Variants in CCDC13 observed in about 807,000 individuals in gnomAD.
The protein encoded by CCDC13 is coiled-coil domain containing 13.
In CCDC13, 70 loss-of-function variants were observed where a neutral mutation model predicts 87.3. The ratio of observed to expected loss-of-function variants is 0.80; its 90% CI spans 0.66 to 0.98. The LOEUF (loss-of-function observed/expected upper bound fraction) is 0.98. CCDC13 is among the 50% of genes least tolerant of loss of function. The pLI, the probability that CCDC13 is intolerant of heterozygous loss-of-function variation, is 0.00. For missense variants in CCDC13, 842 were observed against 892.0 expected, an observed-to-expected ratio of 0.94 and a Z score of 0.71; for synonymous variants, 317 against 360.3, an observed-to-expected ratio of 0.88 and a Z score of 1.36.
chr3:42,769,986 A>G (rs1233977685), intron 1 of CCDC13, among the ~76,000 whole-genome samples: 1 of 152,138 alleles, frequency 6.6e-6, no homozygotes, highest in African/African-American at 2.4e-5. Flanking sequence ...CAGCCTCCCC[A>G]ACGAGCGCCA....
intron 1 of CCDC13, chr3:42,770,815 ACT>A (rs1700062337): frequency 6.5e-6 from 1 of 153,020 alleles, no homozygotes. Flanking sequence ...GAGCTGTAAC[ACT>A]CACCGCGAAG....
intron 8 of CCDC13, among the ~76,000 whole-genome samples, chr3:42,740,677 G>A (rs1386180679): frequency 6.6e-6 from 1 of 152,184 alleles, no homozygotes; most frequent in African/African-American, 2.4e-5. Flanking sequence ...GAGATGAAGG[G>A]AAGAGCAAAG....
intron 15 of CCDC13, among the ~76,000 whole-genome samples, 181 bp downstream of exon 15, chr3:42,709,503 G>A (rs1249596592): frequency 1.3e-5 from 2 of 152,322 alleles, no homozygotes; most frequent in African/African-American, 2.4e-5. Context: ...GGTTTGGGCC[G>A]GGCCCTCTGT....
chr3:42,709,858 C>T lies in CCDC13; in HGVS notation c.1874-60G>A, dbSNP rs192557456. 14 of 1,282,906 alleles carry T rather than the reference C, an allele frequency of 1.1e-5. No individual in the cohort carries two copies. The Admixed American group carries it at 2.0e-4, about 19-fold the overall frequency. The allele number at this position is 1,282,906 out of a possible 1,614,324, so 79.5% of individuals were successfully genotyped here. On this transcript the variant is annotated intron_variant, in intron 14 of 15. Coordinates refer to ENST00000310232, the MANE Select transcript of CCDC13 (RefSeq NM_144719.4). ...GCCACAGCCCTGTGCTAGCACCCTG[C>T]TTCTCCTCCCGCCATTGCCCACTGC... is the stretch of plus-strand genomic sequence containing the variant.
At chr3:42,719,627 C>A (rs1698514460) in intron 13 of CCDC13, 1 of 152,150 alleles carries the variant, frequency 6.6e-6, no homozygotes, top group Non-Finnish European at 1.5e-5. Context: ...GACGGCCCAG[C>A]AAACTGGTCA....
intron 5 of CCDC13, among the ~76,000 whole-genome samples, chr3:42,748,096 T>C (rs541144528): frequency 2.2e-4 from 33 of 152,214 alleles, no homozygotes; most frequent in African/African-American, 7.0e-4. Flanking sequence ...TTTAACCCAA[T>C]GTTTTATTTA....
intron 1 of CCDC13, among the ~76,000 whole-genome samples, chr3:42,769,524 TTCATAG>T (rs1240752749): frequency 6.6e-6 from 1 of 152,254 alleles, no homozygotes; most frequent in East Asian, 1.9e-4. Context: ...ACATGAAATG[TTCATAG>T]TGAGAGGTGA....
chr3:42,727,461 A>G (rs1698717457), intron 13 of CCDC13, among the ~76,000 whole-genome samples: 1 of 152,198 alleles, frequency 6.6e-6, no homozygotes, highest in Non-Finnish European at 1.5e-5. Flanking sequence ...GCCTCACTGA[A>G]CTAAAGGGCA....
chr3:42,708,072 C>T lies in CCDC13; in HGVS notation c.*908G>A, dbSNP rs1319726597. Among the ~76,000 whole-genome samples, 1 of 152,158 alleles carries T rather than the reference C, an allele frequency of 6.6e-6. No individual in the cohort carries two copies. The highest frequency in any genetic ancestry group is 1.5e-5 in the Non-Finnish European group (1 of 68,030). On this transcript the variant is annotated 3_prime_UTR_variant, in exon 16 of 16. Coordinates refer to ENST00000310232, the MANE Select transcript of CCDC13 (RefSeq NM_144719.4). ...CCTCAAAACCCTTCTGCCTGAAGCT[C>T]CAGCTGAGCCCCACCTCGGCCCTCT...
At chr3:42,768,721 A>C (rs1386166312) in intron 1 of CCDC13, among the ~76,000 whole-genome samples, 1 of 152,020 alleles carries the variant, frequency 6.6e-6, no homozygotes, top group East Asian at 1.9e-4. Flanking sequence ...AAACAAGAAA[A>C]TGAAAGAAAA....
In CCDC13 at chr3:42,706,173, C is replaced by CT. The variant is rs1434898631; in HGVS notation, c.*2806dup. The CT allele has an allele frequency of 1.3e-5, 2 of 152,430 alleles. No homozygotes were observed. The highest frequency in any genetic ancestry group is 6.5e-5 in the Admixed American group (1 of 15,290). 9.4% of individuals were successfully genotyped at this position (152,430 alleles called of 1,614,324 possible). Reference sequence around the variant, plus strand: ...CTGGCATGCTGTTGGCACTCACTGACTGCCTGGTGGCCGACTGGCTGGATG... The same window carrying CT: ...CTGGCATGCTGTTGGCACTCACTGACTTGCCTGGTGGCCGACTGGCTGGATG... On this transcript the variant is annotated 3_prime_UTR_variant, in exon 16 of 16. Transcript: ENST00000310232.
intron 1 of CCDC13, among the ~76,000 whole-genome samples, chr3:42,768,245 C>T: frequency 6.6e-6 from 1 of 152,126 alleles, no homozygotes; most frequent in East Asian, 1.9e-4. Context: ...AACTGCAAAA[C>T]TTCTAGAAGG....
At chr3:42,752,107 T>A in intron 4 of CCDC13, 82 bp from the exon 5 acceptor site, 1 of 1,213,964 alleles carries the variant, frequency 8.2e-7, no homozygotes, top group Non-Finnish European at 1.2e-6. Context: ...ATTGTGTGTG[T>A]GGTTACCTAT....
chr3:42,709,185 G>C lies in CCDC13; in HGVS notation c.1989-46C>G, dbSNP rs760493836. ...CTCAGTGTGGCTGGAGCTGCACACA[G>C]GTGTGCGTGGGTGACAGAGGGCCCT... On this transcript the variant is annotated intron_variant, in intron 15 of 15. Transcript: ENST00000310232. 6 of 1,538,872 alleles carry C rather than the reference G, an allele frequency of 3.9e-6. No homozygotes were observed. The Admixed American group carries it at 6.1e-5, about 16-fold the overall frequency.
chr3:42,759,182 G>A (rs911817470), intron 1 of CCDC13, among the ~76,000 whole-genome samples: 7 of 152,102 alleles, frequency 4.6e-5, no homozygotes, highest in African/African-American at 1.4e-4. Flanking sequence ...GGTGGTGCAT[G>A]CCTGTAGTCC....
chr3:42,771,014 C>T (rs1323968463), intron 1 of CCDC13: 4 of 152,184 alleles, frequency 2.6e-5, no homozygotes, highest in African/African-American at 9.7e-5. Flanking sequence ...ACCCACAATT[C>T]TGGACTCAAT....
chr3:42,727,339 G>A (rs1239578598), intron 13 of CCDC13, among the ~76,000 whole-genome samples: 2 of 152,002 alleles, frequency 1.3e-5, no homozygotes, highest in East Asian at 1.9e-4. Context: ...GCCACTGCAC[G>A]CCAGCCTGGG....
intron 14 of CCDC13, among the ~76,000 whole-genome samples, chr3:42,711,329 T>C (rs908614024): frequency 6.6e-6 from 1 of 151,448 alleles, no homozygotes; most frequent in Non-Finnish European, 1.5e-5. Flanking sequence ...ACCTCGGGAC[T>C]GAAAAGGCCC....
chr3:42,739,497 C>G, intron 9 of CCDC13, 137 bp downstream of exon 9: 1 of 936,134 alleles, frequency 1.1e-6, no homozygotes, highest in Non-Finnish European at 1.6e-6. Flanking sequence ...GTACTGGGGG[C>G]CATCTGGAGG....
Sources: gnomAD v4.1 joint callset for allele counts (sites outside exome capture counted in the v4.1 genomes callset) on GRCh38, gnomAD v4.1.1 for gene constraint, MANE v1.5 for transcripts, NCBI Gene and HGNC (gene_info 2026-07-23, HGNC 2026-07-21) for gene names.